MED23: variants seen among roughly 807,000 people sequenced by gnomAD.
MED23 encodes mediator complex subunit 23.
A neutral mutation model predicts 163.9 loss-of-function variants in MED23; 105 were observed. That is an observed-to-expected ratio of 0.64 (90% CI 0.55 to 0.75). MED23 has a LOEUF of 0.75. MED23 is among the 30% of genes least tolerant of loss of function. The pLI is 0.00. For missense variants in MED23, 1,054 were observed against 1,649.0 expected (o/e 0.64, Z 6.25); for synonymous variants, 561 against 565.6 (o/e 0.99, Z 0.12).
chr6:131,608,092 C>A (rs1775988303), intron 11 of MED23, 21 bp from the exon 12 acceptor site: 2 of 1,612,332 alleles, frequency 1.2e-6, no homozygotes, highest in Admixed American at 3.3e-5. Flanking sequence ...TGTTTAAATA[C>A]ACATGTATAC....
intron 30 of MED23, chr6:131,576,609 G>T: frequency 6.6e-7 from 1 of 1,508,130 alleles, no homozygotes; most frequent in South Asian, 1.1e-5. Context: ...TTCCTGCTGT[G>T]AGCATCTGAT....
In MED23 at chr6:131,586,869, A is replaced by C; in HGVS notation, c.*810T>G. The C allele has an allele frequency of 6.8e-7, 1 of 1,463,856 alleles. No individual in the cohort carries two copies. The highest frequency in any genetic ancestry group is 2.1e-5 in the Admixed American group (1 of 48,256). 90.7% of individuals were successfully genotyped at this position (1,463,856 alleles called of 1,614,324 possible). A position where few individuals can be genotyped will look rare whatever the true frequency, so the allele number is the denominator to read the frequency against. ...TAAAATGTGTACTGTATTTACAAAT[A>C]TAAAATTTAAAAATTTTAAGATTAT... On this transcript the variant is annotated 3_prime_UTR_variant, in exon 29 of 29. Transcript: ENST00000368068.
In MED23 at chr6:131,628,113, G is replaced by T; in HGVS notation, c.-64C>A. 1.3e-6 allele frequency: 2 copies of T among 1,582,208 alleles called. No individual in the cohort carries two copies. On this transcript the variant is annotated 5_prime_UTR_variant, in exon 1 of 29. Coordinates refer to ENST00000368068, the MANE Select transcript of MED23 (RefSeq NM_004830.4). ...GGCCCGGATCAGACTCGAGCTCTGG[G>T]AATATAGGGGCAGAGGGGCGGAGAC...
In MED23 at chr6:131,621,985, A is replaced by G. The variant is rs1344564495; in HGVS notation, c.397-6T>C. On this transcript the variant is annotated splice_region_variant and splice_polypyrimidine_tract_variant and intron_variant, in intron 5 of 28. Coordinates refer to ENST00000368068, the MANE Select transcript of MED23 (RefSeq NM_004830.4). Reference sequence around the variant, plus strand: ...TTTAAGAGATCTCGAACACCCTGATATAAGAAAAAAGACATGGGTTAAAAT... The same window carrying G: ...TTTAAGAGATCTCGAACACCCTGATGTAAGAAAAAAGACATGGGTTAAAAT... 8 of 1,603,672 alleles carry G rather than the reference A, an allele frequency of 5.0e-6. No homozygotes were observed. The Admixed American group carries it at 5.0e-5, about 10-fold the overall frequency.
downstream of MED23, chr6:131,583,658 G>A (rs1022766704): frequency 6.0e-5 from 92 of 1,538,576 alleles, 1 homozygote; most frequent in Non-Finnish European, 1.4e-5. Context: ...TTTTCTGTTA[G>A]TGGATAATCT....
chr6:131,602,963 T>G, intron 16 of MED23, 67 bp downstream of exon 16: 1 of 1,505,734 alleles, frequency 6.6e-7, no homozygotes, highest in Non-Finnish European at 9.2e-7. Context: ...AGGTAAAGGA[T>G]TAAGAACCTC....
chr6:131,624,772 T>C, intron 4 of MED23, 93 bp downstream of exon 4: 1 of 1,399,692 alleles, frequency 7.1e-7, no homozygotes. Flanking sequence ...TTCTTCTTCA[T>C]TCTCTTACCT....
intron 24 of MED23, 80 bp downstream of exon 24, chr6:131,592,926 T>C: frequency 6.5e-7 from 1 of 1,539,532 alleles, no homozygotes; most frequent in Non-Finnish European, 9.0e-7. Flanking sequence ...GGCAACAGGT[T>C]TGTCTTAAAA....
Position 131,590,332 on chromosome 6 carries a change from C to A in MED23, c.3797G>T (p.Cys1266Phe), listed in dbSNP as rs1439527416. The part of the protein sequence containing the change: ...LQRFQQERTR[C>F]MIEIGVAFYD... ...CAGATTATATTTTACCTCTATCATA[C>A]AACGAGTTCTCTCTTGCTGAAATCT... The change falls in exon 27 of 29, where the codon TGT (cysteine) becomes TTT (phenylalanine). Residue 1266 changes from cysteine (C) to phenylalanine (F), a missense_variant. Transcript: ENST00000368068. The A allele has an allele frequency of 6.2e-7, 1 of 1,612,272 alleles. No individual in the cohort carries two copies. Among genetic ancestry groups the A allele is most frequent in the Admixed American group, 1.7e-5 (1 of 60,008 alleles).
intron 13 of MED23, among the ~76,000 whole-genome samples, chr6:131,605,943 CCTT>C (rs1239855814): frequency 1.3e-5 from 2 of 152,154 alleles, no homozygotes; most frequent in South Asian, 2.1e-4. Flanking sequence ...AAGTGGCAGT[CCTT>C]CTCAGAAGTT....
chr6:131,598,584 T>C lies in MED23; in HGVS notation c.2398A>G (p.Thr800Ala). The C allele has an allele frequency of 6.2e-7, 1 of 1,614,088 alleles. No individual in the cohort carries two copies. The highest frequency in any genetic ancestry group is 8.5e-7 in the Non-Finnish European group (1 of 1,180,014). ...LCLLWKMLLE[T>A]DHINQIGYRV... ...TAGCCAATCTGATTAATATGATCTG[T>C]TTCCAAGAGCATTTTCCAGAGAAGA... is the stretch of plus-strand genomic sequence containing the variant. The change falls in exon 19 of 29, where the codon ACA becomes GCA. Residue 800 changes from threonine (T) to alanine (A), a missense_variant. By Grantham distance (58) the Thr-to-Ala change is moderately conservative (BLOSUM62 0). Transcript: ENST00000368068. This position sits in a 1 kb window ranked among gnomAD's most constrained non-coding sequence, Gnocchi z 4.7.
intron 11 of MED23, among the ~76,000 whole-genome samples, chr6:131,608,926 C>A (rs1028131373): frequency 6.6e-6 from 1 of 151,902 alleles, no homozygotes; most frequent in African/African-American, 2.4e-5. Context: ...TTTTTGGATT[C>A]ATCGTCCTCC....
intron 22 of MED23, 102 bp from the exon 23 acceptor site, chr6:131,594,437 A>G (rs1774890235): frequency 2.2e-6 from 2 of 909,012 alleles, no homozygotes; most frequent in Non-Finnish European, 3.7e-6. Flanking sequence ...AGCTCAGAAG[A>G]TTTATGAAAC....
At chr6:131,580,199 G>C (rs991945056) in intron 30 of MED23, among the ~76,000 whole-genome samples, 2 of 152,108 alleles carry the variant, frequency 1.3e-5, no homozygotes, top group Admixed American at 6.5e-5. Flanking sequence ...AATGACTTCA[G>C]GTCTCCTTGG....
At chr6:131,592,826 C>A (rs1191323795) in intron 24 of MED23, 180 bp downstream of exon 24, 8 of 718,956 alleles carry the variant, frequency 1.1e-5, no homozygotes, top group Middle Eastern at 7.8e-4. Flanking sequence ...ATCTTAGGAT[C>A]CTGTCCAGGG....
chr6:131,582,919 A>G, downstream of MED23: 1 of 775,088 alleles, frequency 1.3e-6, no homozygotes, highest in Admixed American at 2.6e-5. Flanking sequence ...TTAAAAATAA[A>G]TACAAATAAA....
At chr6:131,609,625 C>T (rs1776122439) in intron 11 of MED23, among the ~76,000 whole-genome samples, 1 of 143,254 alleles carries the variant, frequency 7.0e-6, no homozygotes, top group Non-Finnish European at 1.5e-5. Context: ...ATTTGTATTG[C>T]AGGGAAATGT....
At position 131,604,265 on chromosome 6, in the gene MED23, C is replaced by T; in HGVS notation, c.1669G>A (p.Val557Met). The T allele has an allele frequency of 6.2e-7, 1 of 1,613,838 alleles. No homozygotes were observed. Among genetic ancestry groups the T allele is most frequent in the Non-Finnish European group, 8.5e-7 (1 of 1,179,792 alleles). Reference protein sequence around the residue: ...VIKLAHAKSSVALAPALVETY... With the variant: ...VIKLAHAKSSMALAPALVETY... The stretch of plus-strand genomic sequence containing the variant: ...TCCACTAGGGCTGGAGCCAAGGCCA[C>T]ACTGGACTTTGCATGAGCAAGTTTT... Residue 557 changes from valine (V) to methionine (M), a missense_variant, in exon 15 of 29, where the codon GTG becomes ATG. By Grantham distance (21) the Val-to-Met change is conservative. Transcript: ENST00000368068.
At chr6:131,622,096 A>C in intron 5 of MED23, 117 bp from the exon 6 acceptor site, 4 of 673,766 alleles carry the variant, frequency 5.9e-6, no homozygotes, top group Admixed American at 5.0e-5. Context: ...AATTTTCTGA[A>C]TCAGTTACAA....
Sources: gnomAD v4.1 joint callset for allele counts (sites outside exome capture counted in the v4.1 genomes callset) on GRCh38, gnomAD v4.1.1 for gene constraint, Gnocchi (gnomAD v3.1) non-coding constraint, MANE v1.5 for transcripts, NCBI Gene and HGNC (gene_info 2026-07-23, HGNC 2026-07-21) for gene names.